IGFBP7: variants seen among roughly 807,000 people sequenced by gnomAD.
IGFBP7 encodes insulin-like growth factor-binding protein 7.
IGFBP7 carries 31 observed loss-of-function variants against 29.4 expected under a neutral mutation model. That is an observed-to-expected ratio of 1.05 (90% CI 0.79 to 1.42). The LOEUF (loss-of-function observed/expected upper bound fraction) is 1.42, where lower values mean the gene tolerates loss of function less well. Among genes scored for constraint, IGFBP7 ranks in the 40% most tolerant of loss-of-function variants. The pLI is 0.00. For missense variants in IGFBP7, 393 were observed against 395.5 expected (o/e 0.99, Z 0.05); for synonymous variants, 172 against 174.9 (o/e 0.98, Z 0.13).
intron 1 of IGFBP7, among the ~76,000 whole-genome samples, chr4:57,105,036 A>C (rs6554416): frequency 0.97 from 148,503 of 152,338 alleles, 72,501 homozygotes; most frequent in Non-Finnish European, 1. Context: ...CCCTCTTTTA[A>C]AATGGTTACA....
At chr4:57,098,015 T>C (rs187252720) in intron 1 of IGFBP7, among the ~76,000 whole-genome samples, 1 of 152,272 alleles carries the variant, frequency 6.6e-6, no homozygotes, top group East Asian at 1.9e-4. Context: ...GGGGCTGATA[T>C]ATGGTGTGGA....
Position 57,100,352 on chromosome 4 carries a change from T to C in IGFBP7, c.475+9525A>G, listed in dbSNP as rs574533625. Reference sequence around the variant, plus strand: ...ACCTTGGCCTCCCAAAGTACTGGGATTACAAACAAGAGCCACTGTGCCTGA... The same window carrying C: ...ACCTTGGCCTCCCAAAGTACTGGGACTACAAACAAGAGCCACTGTGCCTGA... On this transcript the variant is annotated intron_variant, in intron 1 of 4. Transcript: ENST00000295666. 1.1e-4 allele frequency among the ~76,000 whole-genome samples: 17 copies of C among 152,268 alleles called. No individual in the cohort carries two copies. In the East Asian group the frequency reaches 3.3e-3, roughly 29 times the overall value.
Position 57,066,373 on chromosome 4 carries a change from A to G in IGFBP7, c.476-25440T>C, listed in dbSNP as rs1041029917. On this transcript the variant is annotated intron_variant, in intron 1 of 4. Transcript: ENST00000295666. ...GTGAGTGAGTCAATCCAAAGCCAGA[A>G]CAAAGTCCCTGCTGACATACTGACT... Among the ~76,000 whole-genome samples the G allele has an allele frequency of 2.6e-5, 4 of 152,286 alleles. No homozygotes were observed. In the East Asian group the frequency reaches 7.7e-4, roughly 29 times the overall value.
At chr4:57,068,750 G>A (rs545627217) in intron 1 of IGFBP7, among the ~76,000 whole-genome samples, 7 of 152,228 alleles carry the variant, frequency 4.6e-5, no homozygotes, top group African/African-American at 1.7e-4. Context: ...GGCACCGAGG[G>A]AAGTGAAAGG....
At chr4:57,093,571 G>T (rs1181375279) in intron 1 of IGFBP7, among the ~76,000 whole-genome samples, 1 of 151,734 alleles carries the variant, frequency 6.6e-6, no homozygotes, top group Non-Finnish European at 1.5e-5. Flanking sequence ...AATTGTTAGA[G>T]ACTAACTGCC....
chr4:57,103,590 CTTT>C (rs2109806037), intron 1 of IGFBP7, among the ~76,000 whole-genome samples: 1 of 149,926 alleles, frequency 6.7e-6, no homozygotes, highest in East Asian at 1.9e-4. Flanking sequence ...ACCTCATACA[CTTT>C]TTTGTGTGTG....
At chr4:57,060,887 C>G (rs1724781320) in intron 1 of IGFBP7, among the ~76,000 whole-genome samples, 1 of 151,980 alleles carries the variant, frequency 6.6e-6, no homozygotes, top group South Asian at 2.1e-4. Flanking sequence ...CCACTGCTCT[C>G]CAGCCTGAGT....
At chr4:57,083,513 G>C (rs1023477579) in intron 1 of IGFBP7, among the ~76,000 whole-genome samples, 1 of 152,124 alleles carries the variant, frequency 6.6e-6, no homozygotes, top group South Asian at 2.1e-4. Context: ...ACTTACATGA[G>C]CTCTTGTTTA....
At chr4:57,034,066 A>AAC (rs904279355) in intron 2 of IGFBP7, among the ~76,000 whole-genome samples, 1 of 151,562 alleles carries the variant, frequency 6.6e-6, no homozygotes, top group East Asian at 1.9e-4. Context: ...AAAAAAAAAA[A>AAC]AACAGCTGTC....
chr4:57,107,489 T>G (rs181091975), intron 1 of IGFBP7, among the ~76,000 whole-genome samples: 6 of 152,312 alleles, frequency 3.9e-5, no homozygotes, highest in African/African-American at 1.4e-4. Flanking sequence ...GCTTCTATGA[T>G]TGTCAAAACC....
chr4:57,101,816 G>A (rs1486103899), intron 1 of IGFBP7, among the ~76,000 whole-genome samples: 1 of 150,896 alleles, frequency 6.6e-6, no homozygotes, highest in Non-Finnish European at 1.5e-5. Flanking sequence ...AGCTTCCCTT[G>A]AACATTTCTA....
At chr4:57,077,805 G>C (rs1195901002) in intron 1 of IGFBP7, among the ~76,000 whole-genome samples, 1 of 152,150 alleles carries the variant, frequency 6.6e-6, no homozygotes, top group Non-Finnish European at 1.5e-5. Flanking sequence ...GGTGATGCTG[G>C]CTAAATGACT....
chr4:57,031,117 GCTTTT>G lies in IGFBP7; in HGVS notation c.*195_*199del, dbSNP rs1723907858. 2 of 717,750 alleles carry G rather than the reference GCTTTT, an allele frequency of 2.8e-6. No individual in the cohort carries two copies. The highest frequency in any genetic ancestry group is 4.8e-6 in the Non-Finnish European group (2 of 414,028). 44.5% of individuals were successfully genotyped at this position (717,750 alleles called of 1,614,324 possible). On this transcript the variant is annotated 3_prime_UTR_variant, in exon 5 of 5. Coordinates refer to ENST00000295666, the MANE Select transcript of IGFBP7 (RefSeq NM_001553.3). ...ATTTTATTTGTTTAATGATATGCAT[GCTTTT>G]CTTCTGTAAATATATAATAAATTTT... is the stretch of plus-strand genomic sequence containing the variant.
At chr4:57,072,779 G>A in intron 1 of IGFBP7, 1 of 534,728 alleles carries the variant, frequency 1.9e-6, no homozygotes. Flanking sequence ...TTTCAAATGG[G>A]TGGGGACCAT....
intron 1 of IGFBP7, among the ~76,000 whole-genome samples, chr4:57,071,657 A>G (rs1256019693): frequency 6.6e-6 from 1 of 152,200 alleles, no homozygotes; most frequent in Non-Finnish European, 1.5e-5. Flanking sequence ...AGTTGATATC[A>G]GAATAGGTCT....
Position 57,031,110 on chromosome 4 carries a change from T to G in IGFBP7, c.*207A>C, listed in dbSNP as rs1276180908. The stretch of plus-strand genomic sequence containing the variant: ...AAAAAGTATTTTATTTGTTTAATGA[T>G]ATGCATGCTTTTCTTCTGTAAATAT... On this transcript the variant is annotated 3_prime_UTR_variant, in exon 5 of 5. Transcript: ENST00000295666. 8.6e-5 allele frequency: 63 copies of G among 730,192 alleles called. No homozygotes were observed. The highest frequency in any genetic ancestry group is 5.4e-4 in the South Asian group (32 of 59,590). The allele number at this position is 730,192 out of a possible 1,614,324, so 45.2% of individuals were successfully genotyped here. A position where few individuals can be genotyped will look rare whatever the true frequency, so the allele number is the denominator to read the frequency against.
chr4:57,084,366 GAA>G (rs1725444251), intron 1 of IGFBP7, among the ~76,000 whole-genome samples: 1 of 152,140 alleles, frequency 6.6e-6, no homozygotes, highest in East Asian at 1.9e-4. Context: ...AGCCAAAAAT[GAA>G]GTGCCTTTTC....
At position 57,110,367 on chromosome 4, in the gene IGFBP7, C is replaced by T. The variant is rs11573019; in HGVS notation, c.-16G>A. The T allele has an allele frequency of 9.3e-5, 124 of 1,333,258 alleles. No homozygotes were observed. In the African/African-American group the frequency reaches 1.6e-3, roughly 18 times the overall value. The allele number at this position is 1,333,258 out of a possible 1,614,324, so 82.6% of individuals were successfully genotyped here. A position where few individuals can be genotyped will look rare whatever the true frequency, so the allele number is the denominator to read the frequency against. On this transcript the variant is annotated 5_prime_UTR_variant, in exon 1 of 5. Coordinates refer to ENST00000295666, the MANE Select transcript of IGFBP7 (RefSeq NM_001553.3). ...GCCGCTCCATGGCGGGGTGCGGTGG[C>T]AGCGGCAAGGGCGCGAGTGAGCCGT...
At chr4:57,077,734 A>G (rs1044300302) in intron 1 of IGFBP7, among the ~76,000 whole-genome samples, 1 of 152,190 alleles carries the variant, frequency 6.6e-6, no homozygotes, top group Non-Finnish European at 1.5e-5. Flanking sequence ...ATGCAAAGGG[A>G]ACAGAACTGC....
Sources: gnomAD v4.1 joint callset for allele counts (sites outside exome capture counted in the v4.1 genomes callset) on GRCh38, gnomAD v4.1.1 for gene constraint, MANE v1.5 for transcripts, NCBI Gene and HGNC (gene_info 2026-07-23, HGNC 2026-07-21) for gene names.